ZNF804B: variants seen among roughly 807,000 people sequenced by gnomAD.
ZNF804B encodes zinc finger protein 804B.
Under a neutral mutation model 101.4 loss-of-function variants are expected in ZNF804B, and 80 were observed. The ratio of observed to expected loss-of-function variants is 0.79; its 90% confidence interval spans 0.66 to 0.95. The LOEUF (loss-of-function observed/expected upper bound fraction) is 0.95, where lower values mean the gene tolerates loss of function less well. Ranked by LOEUF, ZNF804B falls within the 40% of genes least tolerant of loss-of-function variation. ZNF804B has a pLI of 0.00. For synonymous variants in ZNF804B, 622 were observed against 558.8 expected, an observed-to-expected ratio of 1.11 and a Z score of -1.59; for missense variants, 1,673 against 1,561.9, an observed-to-expected ratio of 1.07 and a Z score of -1.20.
chr7:88,934,803 T>A (rs1792942036), intron 1 of ZNF804B, among the ~76,000 whole-genome samples: 1 of 151,924 alleles, frequency 6.6e-6, no homozygotes, highest in African/African-American at 2.4e-5. Context: ...GAATGTAAAC[T>A]ATGAAAAACA....
chr7:89,040,111 T>G (rs1175337544), intron 1 of ZNF804B, among the ~76,000 whole-genome samples: 1 of 152,036 alleles, frequency 6.6e-6, no homozygotes, highest in Non-Finnish European at 1.5e-5. Flanking sequence ...AGTTCTATAG[T>G]GCATGCATTG....
intron 1 of ZNF804B, among the ~76,000 whole-genome samples, chr7:88,770,197 A>G (rs371348200): frequency 2.6e-5 from 4 of 152,166 alleles, no homozygotes; most frequent in East Asian, 3.9e-4. Context: ...TTGAGTCCCC[A>G]AAACCTACAA....
At chr7:88,874,816 A>G (rs1791900135) in intron 1 of ZNF804B, among the ~76,000 whole-genome samples, 1 of 151,448 alleles carries the variant, frequency 6.6e-6, no homozygotes, top group Non-Finnish European at 1.5e-5. Context: ...GACCTAATAG[A>G]CATCTACAGA....
intron 1 of ZNF804B, among the ~76,000 whole-genome samples, chr7:88,854,414 C>CCTTTCTTCCTTT (rs1791502773): frequency 1.8e-5 from 1 of 57,114 alleles, no homozygotes. Flanking sequence ...TTTCTTTCTT[C>CCTTTCTTCCTTT]CTTTCTTTCT....
At chr7:89,228,822 C>T (rs1789138538) in intron 2 of ZNF804B, among the ~76,000 whole-genome samples, 1 of 152,142 alleles carries the variant, frequency 6.6e-6, no homozygotes, top group Admixed American at 6.5e-5. Context: ...CAGGGGGTGG[C>T]ACTCGTTGGG....
intron 2 of ZNF804B, among the ~76,000 whole-genome samples, chr7:89,224,333 C>G (rs1789048756): frequency 6.6e-6 from 1 of 152,010 alleles, no homozygotes; most frequent in African/African-American, 2.4e-5. Flanking sequence ...CCAACGGATT[C>G]ATTGTTTAAA....
chr7:89,337,057 A>C lies in ZNF804B; in HGVS notation c.*25A>C. 6.3e-7 allele frequency: 1 copy of C among 1,576,526 alleles called. No homozygotes were observed. The highest frequency in any genetic ancestry group is 8.6e-7 in the Non-Finnish European group (1 of 1,160,772). The stretch of plus-strand genomic sequence containing the variant: ...ATAAGTGTTAAAGCCCCTCCTGTGG[A>C]TAATTTTTTTAATTGTCACTACCTA... On this transcript the variant is annotated 3_prime_UTR_variant, in exon 4 of 4. Coordinates refer to ENST00000333190, the MANE Select transcript of ZNF804B (RefSeq NM_181646.5).
chr7:88,761,473 A>G (rs979057433), intron 1 of ZNF804B, among the ~76,000 whole-genome samples: 47 of 152,314 alleles, frequency 3.1e-4, no homozygotes, highest in African/African-American at 1.0e-3. Flanking sequence ...TCCCATTTCT[A>G]AAGATTCTCA....
chr7:89,168,928 G>C (rs553581452), intron 1 of ZNF804B, among the ~76,000 whole-genome samples: 94 of 152,200 alleles, frequency 6.2e-4, no homozygotes, highest in African/African-American at 2.2e-3. Flanking sequence ...TTTGTTCTCT[G>C]ACCTGGGGTT....
intron 1 of ZNF804B, among the ~76,000 whole-genome samples, chr7:89,200,371 A>C (rs918852129): frequency 2.0e-5 from 3 of 151,960 alleles, no homozygotes; most frequent in East Asian, 3.8e-4. Context: ...TGGTGAATTT[A>C]TTTCCACCCT....
At chr7:89,167,293 A>G (rs1584028040) in intron 1 of ZNF804B, among the ~76,000 whole-genome samples, 1 of 151,572 alleles carries the variant, frequency 6.6e-6, no homozygotes, top group African/African-American at 2.4e-5. Flanking sequence ...AAAAAAAAAA[A>G]TTAGCCGGGC....
intron 1 of ZNF804B, among the ~76,000 whole-genome samples, chr7:88,979,320 C>G (rs1180820595): frequency 6.6e-6 from 1 of 151,868 alleles, no homozygotes; most frequent in Non-Finnish European, 1.5e-5. Flanking sequence ...AGTCCCTTTT[C>G]CTTCTGATTG....
At chr7:89,108,412 A>G (rs1790167185) in intron 1 of ZNF804B, among the ~76,000 whole-genome samples, 1 of 152,074 alleles carries the variant, frequency 6.6e-6, no homozygotes, top group Non-Finnish European at 1.5e-5. Context: ...CTGGCCATCT[A>G]CATACATGAG....
At chr7:89,158,068 C>A (rs1219672846) in intron 1 of ZNF804B, among the ~76,000 whole-genome samples, 1 of 151,822 alleles carries the variant, frequency 6.6e-6, no homozygotes, top group Non-Finnish European at 1.5e-5. Context: ...TTTTTCATGG[C>A]AATGAAACCA....
chr7:89,155,499 C>T (rs758888628), intron 1 of ZNF804B, among the ~76,000 whole-genome samples: 1 of 152,182 alleles, frequency 6.6e-6, no homozygotes, highest in Non-Finnish European at 1.5e-5. Flanking sequence ...ACCTTATATC[C>T]TCAGATCTGT....
chr7:89,035,285 A>T (rs1310011731), intron 1 of ZNF804B, among the ~76,000 whole-genome samples: 1 of 152,260 alleles, frequency 6.6e-6, no homozygotes, highest in Non-Finnish European at 1.5e-5. Context: ...CAGGCAATTC[A>T]TTAAAAAACT....
Position 89,233,684 on chromosome 7 carries a change from G to A in ZNF804B, c.249+15389G>A, listed in dbSNP as rs112094124. Among the ~76,000 whole-genome samples, 388 of 152,068 alleles carry A rather than the reference G, an allele frequency of 2.6e-3. 3 individuals are homozygous for A. Among genetic ancestry groups the A allele is most frequent in the African/African-American group, 9.0e-3 (375 of 41,478 alleles). On this transcript the variant is annotated intron_variant, in intron 2 of 3. Coordinates refer to ENST00000333190, the MANE Select transcript of ZNF804B (RefSeq NM_181646.5). ...ATGGACTTTCACTCTTGTTGCCCAG[G>A]CCGGAGTGCAATGGTGTGATCTTGG...
intron 1 of ZNF804B, among the ~76,000 whole-genome samples, chr7:88,796,391 A>G (rs1424028235): frequency 1.3e-5 from 2 of 152,124 alleles, no homozygotes; most frequent in Non-Finnish European, 2.9e-5. Flanking sequence ...AAAATGGACT[A>G]TTCTTCCTCA....
intron 1 of ZNF804B, among the ~76,000 whole-genome samples, chr7:89,191,371 G>T (rs1788453335): frequency 6.6e-6 from 1 of 152,020 alleles, no homozygotes; most frequent in African/African-American, 2.4e-5. Context: ...CAATATGATT[G>T]TTGATTAGCT....
Sources: allele counts gnomAD v4.1 joint callset (sites outside exome capture counted in the v4.1 genomes callset), GRCh38; gene constraint gnomAD v4.1.1; transcripts MANE v1.5; gene names NCBI Gene and HGNC (gene_info 2026-07-23, HGNC 2026-07-21).